Variants in SPATS2 observed in about 807,000 individuals in gnomAD.
The protein encoded by SPATS2 is spermatogenesis-associated serine-rich protein 2.
SPATS2 carries 38 observed loss-of-function variants against 63.7 expected under a neutral mutation model. That is an observed-to-expected ratio of 0.60 (90% CI 0.46 to 0.78). The LOEUF is 0.78. SPATS2 is among the 30% of genes least tolerant of loss of function. SPATS2 has a pLI of 0.00. For missense variants in SPATS2, 588 were observed against 666.2 expected (o/e 0.88, Z 1.29); for synonymous variants, 207 against 232.9 (o/e 0.89, Z 1.01).
Position 49,381,866 on chromosome 12 carries a change from A to G in SPATS2, c.-244+10576A>G, listed in dbSNP as rs149480852. On this transcript the variant is annotated intron_variant, in intron 2 of 13. Coordinates refer to ENST00000552918, the MANE Select transcript of SPATS2 (RefSeq NM_023071.4). The stretch of plus-strand genomic sequence containing the variant: ...GGACTGAACCATCTTGAACTGATGA[A>G]TATATTCTACCAGGTTTATAGGTAG... Among the ~76,000 whole-genome samples, 35 of 152,326 alleles carry G rather than the reference A, an allele frequency of 2.3e-4. No individual in the cohort carries two copies. The East Asian group carries it at 5.0e-3, about 22-fold the overall frequency.
intron 2 of SPATS2, chr12:49,390,261 C>G (rs1170711086): frequency 2.0e-5 from 14 of 702,972 alleles, no homozygotes; most frequent in Admixed American, 5.1e-5. Flanking sequence ...ATTTTTTTCT[C>G]TTTAAATATG....
chr12:49,449,181 A>C (rs536351772), intron 2 of SPATS2, among the ~76,000 whole-genome samples: 7 of 152,152 alleles, frequency 4.6e-5, no homozygotes, highest in African/African-American at 1.7e-4. Flanking sequence ...TGGATGGAGG[A>C]GTATTACTGA....
chr12:49,380,506 G>A (rs1435299257), intron 2 of SPATS2, among the ~76,000 whole-genome samples: 1 of 152,092 alleles, frequency 6.6e-6, no homozygotes, highest in Non-Finnish European at 1.5e-5. Flanking sequence ...AGGAGTTTGA[G>A]ATCAGCCTGG....
At chr12:49,486,926 C>G (rs1946304821) in intron 4 of SPATS2, among the ~76,000 whole-genome samples, 1 of 151,946 alleles carries the variant, frequency 6.6e-6, no homozygotes, top group Non-Finnish European at 1.5e-5. Flanking sequence ...ACATTGACAT[C>G]TTCAATTCAA....
intron 3 of SPATS2, among the ~76,000 whole-genome samples, chr12:49,473,030 T>C (rs1470911277): frequency 2.2e-5 from 3 of 137,524 alleles, no homozygotes; most frequent in African/African-American, 8.3e-5. Flanking sequence ...GCCTGGGCAA[T>C]AGAGTGAGAC....
chr12:49,411,031 G>GCCTA (rs1592370922), intron 2 of SPATS2, among the ~76,000 whole-genome samples: 2 of 151,930 alleles, frequency 1.3e-5, no homozygotes, highest in East Asian at 3.9e-4. Context: ...TTTGTATAGG[G>GCCTA]CCTAAACTTT....
chr12:49,394,151 A>G (rs546777507), intron 2 of SPATS2, among the ~76,000 whole-genome samples: 2 of 152,058 alleles, frequency 1.3e-5, no homozygotes, highest in Non-Finnish European at 2.9e-5. Flanking sequence ...TCACCTGGGC[A>G]ACATGGCGAA....
chr12:49,371,896 A>G (rs542671878), intron 2 of SPATS2, among the ~76,000 whole-genome samples: 2 of 151,704 alleles, frequency 1.3e-5, no homozygotes, highest in African/African-American at 4.8e-5. Flanking sequence ...GGGGATTACA[A>G]TTTGACAGGA....
intron 2 of SPATS2, among the ~76,000 whole-genome samples, chr12:49,410,121 G>T (rs1482833724): frequency 6.6e-6 from 1 of 151,998 alleles, no homozygotes; most frequent in Non-Finnish European, 1.5e-5. Flanking sequence ...TGTCGCCCAG[G>T]CTGGAGTGCA....
chr12:49,485,360 GGT>G (rs1487373173), intron 4 of SPATS2, among the ~76,000 whole-genome samples: 1 of 151,694 alleles, frequency 6.6e-6, no homozygotes, highest in Non-Finnish European at 1.5e-5. Flanking sequence ...GGCCGAAATA[GGT>G]CTTTTGTGGG....
At chr12:49,436,590 G>T (rs1945298202) in intron 2 of SPATS2, among the ~76,000 whole-genome samples, 2 of 135,042 alleles carry the variant, frequency 1.5e-5, no homozygotes, top group Non-Finnish European at 3.3e-5. Context: ...GGACGGGGTG[G>T]CTGGCCGGGC....
intron 2 of SPATS2, chr12:49,390,266 A>G: frequency 3.0e-6 from 2 of 668,022 alleles, no homozygotes; most frequent in Non-Finnish European, 4.9e-6. Context: ...TTTCTCTTTA[A>G]ATATGTACAG....
intron 2 of SPATS2, among the ~76,000 whole-genome samples, chr12:49,444,761 G>A (rs1353936203): frequency 3.3e-5 from 5 of 151,718 alleles, no homozygotes; most frequent in African/African-American, 9.7e-5. Context: ...TCGCCACCAC[G>A]CCCAGCTAGT....
At position 49,492,288 on chromosome 12, in the gene SPATS2, C is replaced by G. The variant is rs533231166; in HGVS notation, c.264+1557C>G. Among the ~76,000 whole-genome samples the G allele has an allele frequency of 1.1e-4, 16 of 151,466 alleles. No individual in the cohort carries two copies. The East Asian group carries it at 2.9e-3, about 28-fold the overall frequency. On this transcript the variant is annotated intron_variant, in intron 6 of 13. Coordinates refer to ENST00000552918, the MANE Select transcript of SPATS2 (RefSeq NM_023071.4). ...AGGCTGGAGTGCCGTGGCGCGATCT[C>G]GGCTCACTGCAGCCTCCGCCTCCTG...
At chr12:49,420,891 C>T (rs1000289180) in intron 2 of SPATS2, among the ~76,000 whole-genome samples, 15 of 152,050 alleles carry the variant, frequency 9.9e-5, no homozygotes, top group Non-Finnish European at 2.2e-4. Context: ...CTTGTAGTCC[C>T]ATCTACTCCG....
At chr12:49,392,470 G>A (rs1048572595) in intron 2 of SPATS2, among the ~76,000 whole-genome samples, 4 of 152,150 alleles carry the variant, frequency 2.6e-5, no homozygotes, top group African/African-American at 9.7e-5. Context: ...TGTAGTCCCA[G>A]CAGTTTGGGA....
chr12:49,376,092 A>AT (rs749954777), intron 2 of SPATS2, among the ~76,000 whole-genome samples: 3,799 of 81,078 alleles, frequency 0.047, 239 homozygotes, highest in African/African-American at 0.066. Context: ...ACCTGGCCTG[A>AT]TTTTTTTTTT....
At chr12:49,511,699 T>G (rs1341277564) in intron 9 of SPATS2, among the ~76,000 whole-genome samples, 2 of 152,202 alleles carry the variant, frequency 1.3e-5, no homozygotes, top group African/African-American at 4.8e-5. Flanking sequence ...GGAACCATTG[T>G]TTAGCTCAGA....
chr12:49,516,371 AAAAG>A (rs1268121315), intron 10 of SPATS2, among the ~76,000 whole-genome samples: 1 of 150,238 alleles, frequency 6.7e-6, no homozygotes, highest in Non-Finnish European at 1.5e-5. Context: ...AAATTAAAAA[AAAAG>A]AAGGTGCTTT....
Sources: gnomAD v4.1 joint callset for allele counts (sites outside exome capture counted in the v4.1 genomes callset) on GRCh38, gnomAD v4.1.1 for gene constraint, MANE v1.5 for transcripts, NCBI Gene and HGNC (gene_info 2026-07-23, HGNC 2026-07-21) for gene names.